SLC44A5: variants seen among roughly 807,000 people sequenced by gnomAD.
SLC44A5 encodes the protein choline transporter-like protein 5.
SLC44A5 carries 57 observed loss-of-function variants against 101.8 expected under a neutral mutation model. The ratio of observed to expected loss-of-function variants is 0.56; its 90% CI spans 0.45 to 0.70. The LOEUF (loss-of-function observed/expected upper bound fraction) is 0.70. Ranked by LOEUF, SLC44A5 falls within the 30% of genes least tolerant of loss-of-function variation. SLC44A5 has a pLI of 0.00. For synonymous variants in SLC44A5, 281 were observed against 290.9 expected (o/e 0.97, Z 0.35); for missense variants, 737 against 853.1 (o/e 0.86, Z 1.70).
chr1:75,263,468 A>C (rs2100699724), intron 6 of SLC44A5, among the ~76,000 whole-genome samples: 1 of 152,352 alleles, frequency 6.6e-6, no homozygotes. Flanking sequence ...GTCATTAAAA[A>C]GTCAGGAAAC....
At chr1:75,568,043 T>G (rs997909229) in intron 1 of SLC44A5, among the ~76,000 whole-genome samples, 1 of 152,202 alleles carries the variant, frequency 6.6e-6, no homozygotes, top group Non-Finnish European at 1.5e-5. Flanking sequence ...TGCTAACTTA[T>G]GTATTGGTGC....
At chr1:75,403,090 C>A (rs1451556786) in intron 2 of SLC44A5, among the ~76,000 whole-genome samples, 1 of 152,174 alleles carries the variant, frequency 6.6e-6, no homozygotes, top group South Asian at 2.1e-4. Context: ...GAAGTTCGAA[C>A]TGGGTGGAGC....
rs559839047 is a variant in SLC44A5 at position 75,282,534 on chromosome 1, G to A, written c.176-7492C>T. On this transcript the variant is annotated intron_variant, in intron 5 of 23. Transcript: ENST00000370859. ...TGAGATTTGGAAGGGGCCAGGGGTG[G>A]AATAATATGGTCTGGTTCTGTGTTC... Among the ~76,000 whole-genome samples the A allele has an allele frequency of 7.2e-5, 11 of 152,198 alleles. No individual in the cohort carries two copies. In the South Asian group the frequency reaches 2.3e-3, roughly 32 times the overall value.
rs374276926 is a variant in SLC44A5, at chr1:75,385,059, C to T, written c.52+11524G>A. ...AATCTCTGGGACACATTCAAAGCAG[C>T]GTGTAGAGGGAAATACATAGCACTA... On this transcript the variant is annotated intron_variant, in intron 3 of 23. Transcript: ENST00000370859. Among the ~76,000 whole-genome samples, 703 of 152,136 alleles carry T rather than the reference C, an allele frequency of 4.6e-3. 6 individuals are homozygous for T. Among genetic ancestry groups the T allele is most frequent in the African/African-American group, 0.016 (670 of 41,488 alleles).
intron 3 of SLC44A5, among the ~76,000 whole-genome samples, chr1:75,347,372 T>A (rs1006708329): frequency 6.6e-6 from 1 of 152,142 alleles, no homozygotes; most frequent in Non-Finnish European, 1.5e-5. Context: ...AAAGAAAACA[T>A]GTTTTAGTGC....
At chr1:75,626,399 G>A in the SLC44A5 span, among the ~76,000 whole-genome samples, 1 of 152,084 alleles carries the variant, frequency 6.6e-6, no homozygotes, top group Non-Finnish European at 1.5e-5. Context: ...TAATATACCT[G>A]CAATGGTGTT....
chr1:75,545,984 C>A (rs1371038738), intron 1 of SLC44A5, among the ~76,000 whole-genome samples: 1 of 151,852 alleles, frequency 6.6e-6, no homozygotes, highest in Non-Finnish European at 1.5e-5. Flanking sequence ...TGTGCCACCA[C>A]ACCAAGCTAA....
chr1:75,399,376 T>C (rs1373572161), intron 2 of SLC44A5, among the ~76,000 whole-genome samples: 1 of 151,984 alleles, frequency 6.6e-6, no homozygotes, highest in Non-Finnish European at 1.5e-5. Flanking sequence ...ATAAAGAAGA[T>C]AAATAAACTA....
intron 2 of SLC44A5, among the ~76,000 whole-genome samples, chr1:75,406,761 G>A (rs1354638593): frequency 6.6e-6 from 1 of 152,148 alleles, no homozygotes; most frequent in Admixed American, 6.5e-5. Flanking sequence ...CATACTGAAT[G>A]GGCAAAAGCT....
chr1:75,399,128 C>T (rs372935743), intron 2 of SLC44A5, among the ~76,000 whole-genome samples: 9 of 151,928 alleles, frequency 5.9e-5, no homozygotes, highest in South Asian at 2.1e-4. Context: ...ATGAGTGGAA[C>T]GCATTGATGT....
chr1:75,322,756 A>G (rs976034770), intron 4 of SLC44A5, among the ~76,000 whole-genome samples: 2 of 152,138 alleles, frequency 1.3e-5, no homozygotes, highest in African/African-American at 4.8e-5. Context: ...GCACGGACAG[A>G]TGTACTTGAA....
At chr1:75,276,923 A>C (rs1433975106) in intron 5 of SLC44A5, among the ~76,000 whole-genome samples, 4 of 152,164 alleles carry the variant, frequency 2.6e-5, no homozygotes, top group Non-Finnish European at 4.4e-5. Flanking sequence ...AGGAATTGTA[A>C]AACTGCCCAC....
At chr1:75,718,412 G>C in the SLC44A5 span, among the ~76,000 whole-genome samples, 1 of 152,186 alleles carries the variant, frequency 6.6e-6, no homozygotes, top group Non-Finnish European at 1.5e-5. Flanking sequence ...TACTGGGACT[G>C]TGGACTACAG....
intron 3 of SLC44A5, among the ~76,000 whole-genome samples, chr1:75,356,760 G>T (rs1163515333): frequency 1.3e-5 from 2 of 152,106 alleles, no homozygotes; most frequent in Non-Finnish European, 2.9e-5. Context: ...GTATTTACAG[G>T]TGTGCCATTT....
chr1:75,395,936 A>G (rs1286639768), intron 3 of SLC44A5, among the ~76,000 whole-genome samples: 2 of 152,180 alleles, frequency 1.3e-5, no homozygotes, highest in Non-Finnish European at 2.9e-5. Context: ...TATATACCTC[A>G]GGGGCAATGA....
At chr1:75,209,942 T>C (rs2100442907) in intron 23 of SLC44A5, among the ~76,000 whole-genome samples, 1 of 152,336 alleles carries the variant, frequency 6.6e-6, no homozygotes, top group Non-Finnish European at 1.5e-5. Context: ...CTCTACTTTC[T>C]GTTGGTTTGC....
intron 1 of SLC44A5, among the ~76,000 whole-genome samples, chr1:75,546,836 C>A (rs1671677913): frequency 6.6e-6 from 1 of 152,042 alleles, no homozygotes; most frequent in South Asian, 2.1e-4. Context: ...AAAAAAAGAA[C>A]CATGCATGGA....
chr1:75,213,365 T>C (rs1646895951), intron 22 of SLC44A5, among the ~76,000 whole-genome samples: 1 of 152,162 alleles, frequency 6.6e-6, no homozygotes, highest in Non-Finnish European at 1.5e-5. Context: ...ACAGAATGAA[T>C]TGTGTACCCC....
intron 1 of SLC44A5, chr1:75,581,989 G>C: frequency 4.1e-6 from 2 of 482,404 alleles, no homozygotes; most frequent in Admixed American, 3.2e-5. Context: ...CCAGCCTCGG[G>C]TGTTCTTTTA....
Sources: gnomAD v4.1 joint callset for allele counts (sites outside exome capture counted in the v4.1 genomes callset) on GRCh38, gnomAD v4.1.1 for gene constraint, MANE v1.5 for transcripts, NCBI Gene and HGNC (gene_info 2026-07-23, HGNC 2026-07-21) for gene names.